CHIC1: variants seen among roughly 807,000 people sequenced by gnomAD.
CHIC1 encodes cysteine rich hydrophobic domain 1.
A neutral mutation model predicts 18.5 loss-of-function variants in CHIC1; 7 were observed. The ratio of observed to expected loss-of-function variants is 0.38; its 90% CI spans 0.22 to 0.71. CHIC1 has a LOEUF of 0.71. Ranked by LOEUF, CHIC1 falls within the 30% of genes least tolerant of loss-of-function variation. The pLI is 0.49. For missense variants in CHIC1, 159 were observed against 176.9 expected, an observed-to-expected ratio of 0.90 and a Z score of 0.57; for synonymous variants, 77 against 73.5, an observed-to-expected ratio of 1.05 and a Z score of -0.25.
chrX:73,643,273 C>A (rs1447565085), intron 3 of CHIC1, among the ~76,000 whole-genome samples: 5 of 109,739 alleles, frequency 4.6e-5, no homozygotes, highest in South Asian at 4.0e-4. Flanking sequence ...GTGGGTAACC[C>A]GACCTTTCTC....
At chrX:73,641,347 G>T (rs1000447134) in intron 3 of CHIC1, among the ~76,000 whole-genome samples, 2 of 109,803 alleles carry the variant, frequency 1.8e-5, no homozygotes, top group African/African-American at 6.6e-5. Context: ...ATATTGATTA[G>T]GTCCATTTGG....
At chrX:73,680,428 G>T (rs956281854) in intron 5 of CHIC1, among the ~76,000 whole-genome samples, 2 of 110,879 alleles carry the variant, frequency 1.8e-5, no homozygotes, top group African/African-American at 6.5e-5. Flanking sequence ...AAATATCCGA[G>T]TTTTTTAAAA....
intron 3 of CHIC1, among the ~76,000 whole-genome samples, chrX:73,666,116 C>T (rs891460749): frequency 1.1e-4 from 12 of 111,670 alleles, no homozygotes; most frequent in Admixed American, 4.7e-4. Context: ...AATTATCTTT[C>T]GAAGCTTTTG....
At position 73,686,116 on chromosome X, in the gene CHIC1, A is replaced by G. The variant is rs1028681130; in HGVS notation, c.*5111A>G. On this transcript the variant is annotated 3_prime_UTR_variant, in exon 6 of 6. Coordinates refer to ENST00000373502, the MANE Select transcript of CHIC1 (RefSeq NM_001039840.4). ...TATGTTTTTGATTAATAATAAAATAAGAAATCCTATTATGTGCAACTTATT... is the reference window on the plus strand; with the variant it reads ...TATGTTTTTGATTAATAATAAAATAGGAAATCCTATTATGTGCAACTTATT... The G allele has an allele frequency of 8.9e-6, 1 of 111,779 alleles. No homozygotes were observed. The highest frequency in any genetic ancestry group is 3.2e-5 in the African/African-American group (1 of 30,853). 9.2% of individuals were successfully genotyped at this position (111,779 alleles called of 1,213,427 possible). A position where few individuals can be genotyped will look rare whatever the true frequency, so the allele number is the denominator to read the frequency against.
intron 3 of CHIC1, among the ~76,000 whole-genome samples, chrX:73,636,455 C>A (rs1383480432): frequency 1.8e-5 from 2 of 110,897 alleles, no homozygotes; most frequent in African/African-American, 6.6e-5. Context: ...CAACTGAGAG[C>A]ACTTTTTATC....
intron 3 of CHIC1, among the ~76,000 whole-genome samples, chrX:73,640,205 T>C (rs1478013851): frequency 8.9e-6 from 1 of 111,842 alleles, no homozygotes; most frequent in Non-Finnish European, 1.9e-5. Flanking sequence ...AGTATATTCC[T>C]TCAATGGCCT....
chrX:73,658,148 G>A (rs186642712), intron 3 of CHIC1, among the ~76,000 whole-genome samples: 3 of 108,842 alleles, frequency 2.8e-5, no homozygotes, highest in African/African-American at 1.0e-4. Context: ...AAATTAGGGA[G>A]GAGTCTCTCC....
At chrX:73,669,896 G>C (rs2058021716) in intron 3 of CHIC1, among the ~76,000 whole-genome samples, 1 of 111,965 alleles carries the variant, frequency 8.9e-6, no homozygotes, top group South Asian at 3.7e-4. Flanking sequence ...CCCCTTCCTA[G>C]GCATATATGC....
At chrX:73,621,233 A>T (rs2057758792) in intron 3 of CHIC1, among the ~76,000 whole-genome samples, 1 of 111,739 alleles carries the variant, frequency 8.9e-6, no homozygotes. Context: ...TGATTTTATG[A>T]GGAAAGTCAA....
chrX:73,600,463 T>C (rs1303372215), intron 3 of CHIC1, among the ~76,000 whole-genome samples: 1 of 105,852 alleles, frequency 9.4e-6, no homozygotes, highest in Non-Finnish European at 1.9e-5. Flanking sequence ...TGATATTGGC[T>C]GTGGGTTTGT....
At chrX:73,679,564 C>G in intron 4 of CHIC1, 90 bp from the exon 5 acceptor site, 1 of 638,808 alleles carries the variant, frequency 1.6e-6, no homozygotes, top group Non-Finnish European at 2.3e-6. Context: ...TGTACTTTTC[C>G]TGGATTGTTT....
intron 3 of CHIC1, among the ~76,000 whole-genome samples, chrX:73,624,073 A>T (rs2057772986): frequency 9.1e-6 from 1 of 109,716 alleles, no homozygotes; most frequent in Non-Finnish European, 1.9e-5. Flanking sequence ...TAGATACTGG[A>T]TCTTAAAAAA....
chrX:73,598,717 A>C (rs1307282678), intron 3 of CHIC1, among the ~76,000 whole-genome samples: 1 of 110,053 alleles, frequency 9.1e-6, no homozygotes, highest in African/African-American at 3.3e-5. Flanking sequence ...ACATTTTCTT[A>C]ATCCAGTCTA....
At chrX:73,679,105 C>G (rs1303672929) in intron 3 of CHIC1, among the ~76,000 whole-genome samples, 1 of 111,890 alleles carries the variant, frequency 8.9e-6, no homozygotes, top group African/African-American at 3.2e-5. Context: ...ATATAAAAAT[C>G]TGATTGATTG....
chrX:73,651,658 G>A (rs1316499943), intron 3 of CHIC1, among the ~76,000 whole-genome samples: 2 of 110,348 alleles, frequency 1.8e-5, no homozygotes, highest in Non-Finnish European at 3.8e-5. Context: ...AATACCTAAG[G>A]ATACAGCTAA....
chrX:73,619,721 T>C (rs1435892176), intron 3 of CHIC1, among the ~76,000 whole-genome samples: 1 of 111,795 alleles, frequency 8.9e-6, no homozygotes, highest in Non-Finnish European at 1.9e-5. Context: ...TCTTTAAAAT[T>C]ATTATACTTA....
intron 2 of CHIC1, among the ~76,000 whole-genome samples, chrX:73,580,885 C>A (rs1390965419): frequency 9.0e-6 from 1 of 110,885 alleles, no homozygotes; most frequent in Non-Finnish European, 1.9e-5. Context: ...AGCTCTGTAG[C>A]TCAATATTAA....
At chrX:73,598,582 T>A (rs1480533783) in intron 3 of CHIC1, among the ~76,000 whole-genome samples, 2 of 104,114 alleles carry the variant, frequency 1.9e-5, no homozygotes, top group Admixed American at 2.1e-4. Flanking sequence ...ATATGTGGTG[T>A]TTGGCTTTTT....
intron 3 of CHIC1, among the ~76,000 whole-genome samples, chrX:73,615,864 G>T (rs2057730306): frequency 9.0e-6 from 1 of 111,092 alleles, no homozygotes; most frequent in Non-Finnish European, 1.9e-5. Flanking sequence ...CTATATGCAG[G>T]TGGCTAGGGG....
Sources: gnomAD v4.1 joint callset for allele counts (sites outside exome capture counted in the v4.1 genomes callset) on GRCh38, gnomAD v4.1.1 for gene constraint, MANE v1.5 for transcripts, NCBI Gene and HGNC (gene_info 2026-07-23, HGNC 2026-07-21) for gene names.